LRP2BP: variants seen among roughly 807,000 people sequenced by gnomAD.
LRP2BP encodes LRP2-binding protein.
In LRP2BP, 38 loss-of-function variants were observed where a neutral mutation model predicts 45.2. That is an observed-to-expected ratio of 0.84 (90% confidence interval 0.65 to 1.10). The LOEUF (loss-of-function observed/expected upper bound fraction) is 1.10. LRP2BP is among the 50% of genes least tolerant of loss of function. The pLI, the probability that LRP2BP is intolerant of heterozygous loss-of-function variation, is 0.00. For missense variants in LRP2BP, 385 were observed against 418.9 expected (o/e 0.92, Z 0.71); for synonymous variants, 153 against 153.9 (o/e 0.99, Z 0.04).
At chr4:185,389,301 C>T (rs917537543) in intron 1 of LRP2BP, among the ~76,000 whole-genome samples, 15 of 151,872 alleles carry the variant, frequency 9.9e-5, no homozygotes, top group African/African-American at 3.6e-4. Context: ...CTCCACCTCC[C>T]AGGTTCACGT....
At chr4:185,368,477 A>G (rs976989561) in intron 8 of LRP2BP, among the ~76,000 whole-genome samples, 8 of 149,670 alleles carry the variant, frequency 5.3e-5, no homozygotes, top group African/African-American at 1.9e-4. Context: ...CTCCCTCCCA[A>G]CCCGTTCCCT....
chr4:185,368,523 G>A (rs1304712726), intron 8 of LRP2BP, among the ~76,000 whole-genome samples: 5 of 152,164 alleles, frequency 3.3e-5, no homozygotes, highest in African/African-American at 1.2e-4. Flanking sequence ...GAACACCGCT[G>A]TCGGGACACC....
intron 2 of LRP2BP, 94 bp downstream of exon 2, chr4:185,377,985 CAA>C: frequency 2.0e-6 from 2 of 1,023,328 alleles, no homozygotes; most frequent in East Asian, 4.9e-5. Flanking sequence ...TCCTTGAAAT[CAA>C]TAAAACACAT....
chr4:185,369,375 GC>G (rs1561073357), intron 8 of LRP2BP, among the ~76,000 whole-genome samples: 3 of 91,246 alleles, frequency 3.3e-5, no homozygotes, highest in African/African-American at 4.9e-5. Context: ...ACATTGCCAT[GC>G]CTGGCTAATT....
At position 185,367,259 on chromosome 4, in the gene LRP2BP, A is replaced by G; in HGVS notation, c.979-14T>C. ...CAGACGACAAGCCTTAAAATCAAAAAGAGTCAGATATTTAGATACATTCTA... is the reference window on the plus strand; with the variant it reads ...CAGACGACAAGCCTTAAAATCAAAAGGAGTCAGATATTTAGATACATTCTA... On this transcript the variant is annotated splice_polypyrimidine_tract_variant and intron_variant, in intron 8 of 8. Transcript: ENST00000505916. 1 of 1,609,160 alleles carries G rather than the reference A, an allele frequency of 6.2e-7. No homozygotes were observed. Among genetic ancestry groups the G allele is most frequent in the Non-Finnish European group, 8.5e-7 (1 of 1,176,572 alleles).
chr4:185,391,568 T>C (rs1012130454), intron 1 of LRP2BP, among the ~76,000 whole-genome samples: 19 of 152,220 alleles, frequency 1.2e-4, no homozygotes, highest in African/African-American at 4.3e-4. Context: ...ATGTACTGAG[T>C]TATAATCCAA....
chr4:185,395,443 A>G lies in LRP2BP; in HGVS notation c.-686T>C, dbSNP rs2095499309. The G allele has an allele frequency of 2.3e-5, 23 of 985,224 alleles. No homozygotes were observed. The highest frequency in any genetic ancestry group is 2.8e-5 in the Non-Finnish European group (23 of 829,724). The allele number at this position is 985,224 out of a possible 1,614,324, so 61.0% of individuals were successfully genotyped here. On this transcript the variant is annotated 5_prime_UTR_variant, in exon 1 of 9. Coordinates refer to ENST00000505916, the MANE Select transcript of LRP2BP (RefSeq NM_001377440.1). ...TGTTTTAAAAAGCAGTGCTTATTGA[A>G]TTGATAAACAAAAGCGAAACTGGCA...
chr4:185,374,504 T>C (rs1402436213), intron 4 of LRP2BP, 43 bp from the exon 5 acceptor site: 5 of 1,596,994 alleles, frequency 3.1e-6, no homozygotes, highest in Non-Finnish European at 4.3e-6. Flanking sequence ...TTTTTAGTTT[T>C]ACCCAAACTG....
chr4:185,375,661 G>A lies in LRP2BP; in HGVS notation c.282C>T (p.Tyr94=). The A allele has an allele frequency of 6.2e-7, 1 of 1,611,946 alleles. No homozygotes were observed. The highest frequency in any genetic ancestry group is 1.1e-5 in the South Asian group (1 of 90,904). The part of the protein sequence containing the change: ...EIKEKDHQAT[Y]QLGVMYYDGL... Reference sequence around the variant, plus strand: ...CATCATAGTACATCACTCCTAGCTGGTAAGTTGCTTGATGGTCTTTCTCCT... The same window carrying A: ...CATCATAGTACATCACTCCTAGCTGATAAGTTGCTTGATGGTCTTTCTCCT... The change falls in exon 4 of 9, where the codon TAC becomes TAT. Residue 94 remains tyrosine (Y), a synonymous_variant. Coordinates refer to ENST00000505916, the MANE Select transcript of LRP2BP (RefSeq NM_001377440.1).
chr4:185,372,190 G>A (rs1024184819), intron 7 of LRP2BP, among the ~76,000 whole-genome samples: 4 of 152,178 alleles, frequency 2.6e-5, no homozygotes, highest in South Asian at 2.1e-4. Context: ...AAATGAAGAC[G>A]TAATAAATGT....
intron 8 of LRP2BP, among the ~76,000 whole-genome samples, chr4:185,367,945 C>T (rs918856276): frequency 1.7e-4 from 26 of 152,122 alleles, no homozygotes; most frequent in Non-Finnish European, 2.4e-4. Context: ...TTTGGGAGGC[C>T]GAGGTGGATG....
chr4:185,396,002 A>T (rs2095501325), upstream of LRP2BP: 27 of 742,130 alleles, frequency 3.6e-5, no homozygotes, highest in Middle Eastern at 1.4e-3. Context: ...CACGCCCGAC[A>T]GCACCCGCGG....
intron 7 of LRP2BP, 122 bp from the exon 8 acceptor site, chr4:185,370,936 A>G: frequency 1.8e-6 from 2 of 1,090,320 alleles, no homozygotes; most frequent in Non-Finnish European, 2.7e-6. Flanking sequence ...TTGAGAACTA[A>G]GTTGTTTGCT....
Position 185,374,252 on chromosome 4 carries a change from A to G in LRP2BP, c.474-12T>C. ...CGATAAGCCACAGTCTACAAGAGAA[A>G]GTGAGGCATGTTATTCTCGGTTTCA... On this transcript the variant is annotated splice_polypyrimidine_tract_variant and intron_variant, in intron 5 of 8. Coordinates refer to ENST00000505916, the MANE Select transcript of LRP2BP (RefSeq NM_001377440.1). The G allele has an allele frequency of 3.1e-6, 5 of 1,614,110 alleles. No individual in the cohort carries two copies. The South Asian group carries it at 4.4e-5, about 14-fold the overall frequency.
intron 1 of LRP2BP, among the ~76,000 whole-genome samples, chr4:185,387,082 C>G (rs551755376): frequency 1.6e-4 from 25 of 152,216 alleles, no homozygotes; most frequent in African/African-American, 6.0e-4. Flanking sequence ...CCCGTGTCTA[C>G]TAAAAATACA....
At chr4:185,388,440 C>T (rs56125899) in intron 1 of LRP2BP, among the ~76,000 whole-genome samples, 2 of 14,684 alleles carry the variant, frequency 1.4e-4, no homozygotes, top group Non-Finnish European at 4.6e-4. Flanking sequence ...TATCTATCTA[C>T]CTATCTGCCT....
chr4:185,389,957 A>C (rs976595443), intron 1 of LRP2BP, among the ~76,000 whole-genome samples: 1 of 152,228 alleles, frequency 6.6e-6, no homozygotes, highest in African/African-American at 2.4e-5. Flanking sequence ...TGATTTAACT[A>C]GTGTTCAACC....
chr4:185,365,137 T>C lies in LRP2BP; in HGVS notation c.*2043A>G, dbSNP rs1200507449. The C allele has an allele frequency of 1.3e-5, 2 of 152,068 alleles. No homozygotes were observed. The highest frequency in any genetic ancestry group is 4.8e-5 in the African/African-American group (2 of 41,360). The allele number at this position is 152,068 out of a possible 1,614,324, so 9.4% of individuals were successfully genotyped here. On this transcript the variant is annotated 3_prime_UTR_variant, in exon 9 of 9. Coordinates refer to ENST00000505916, the MANE Select transcript of LRP2BP (RefSeq NM_001377440.1). ...ACTACTGTCCTCAGCAGTGGTAGTT[T>C]GCAGGGACTCGCTTGTGCCAGAGCA...
At chr4:185,394,729 TTAC>T in intron 1 of LRP2BP, 47 bp downstream of exon 1, 2 of 984,174 alleles carry the variant, frequency 2.0e-6, no homozygotes, top group Non-Finnish European at 2.4e-6. Flanking sequence ...TAGCAAACTC[TTAC>T]TACTCAAGAT....
Sources: allele counts gnomAD v4.1 joint callset (sites outside exome capture counted in the v4.1 genomes callset), GRCh38; gene constraint gnomAD v4.1.1; transcripts MANE v1.5; gene names NCBI Gene and HGNC (gene_info 2026-07-23, HGNC 2026-07-21).